The following POU2F1 variants were observed in gnomAD, a reference collection of about 807,000 sequenced individuals.
The protein encoded by POU2F1 is POU class 2 homeobox 1.
A neutral mutation model predicts 84.9 loss-of-function variants in POU2F1; 16 were observed. The observed-to-expected ratio is 0.19, with a 90% CI of 0.13 to 0.29. POU2F1 has a LOEUF of 0.29. Ranked by LOEUF, POU2F1 falls within the 10% of genes least tolerant of loss-of-function variation. POU2F1 has a pLI of 1.00. For missense variants in POU2F1, 738 were observed against 942.6 expected (o/e 0.78, Z 2.84); for synonymous variants, 368 against 368.3 (o/e 1.00, Z 0.01).
At chr1:167,345,152 T>C (rs997278428) in intron 2 of POU2F1, among the ~76,000 whole-genome samples, 3 of 152,204 alleles carry the variant, frequency 2.0e-5, no homozygotes, top group Non-Finnish European at 4.4e-5. Flanking sequence ...ATGTTCTATG[T>C]ATCCCGGAAC....
intron 2 of POU2F1, among the ~76,000 whole-genome samples, chr1:167,336,336 A>G (rs947262042): frequency 4.6e-5 from 7 of 152,226 alleles, no homozygotes; most frequent in African/African-American, 1.7e-4. Context: ...TTAAAATGCC[A>G]TGTGACCCTA....
chr1:167,368,820 C>T (rs964970444), intron 3 of POU2F1, among the ~76,000 whole-genome samples: 5 of 152,194 alleles, frequency 3.3e-5, no homozygotes, highest in Non-Finnish European at 7.4e-5. Flanking sequence ...CTTCACTGAG[C>T]TCCATACCAA....
At chr1:167,328,511 C>T (rs1441748528) in intron 1 of POU2F1, among the ~76,000 whole-genome samples, 1 of 152,100 alleles carries the variant, frequency 6.6e-6, no homozygotes. Context: ...TTTTGCAAAT[C>T]CTCTTATTAC....
chr1:167,313,547 A>G (rs1309182250), intron 1 of POU2F1, among the ~76,000 whole-genome samples: 3 of 152,204 alleles, frequency 2.0e-5, no homozygotes, highest in Non-Finnish European at 4.4e-5. Context: ...ATTTGTGACT[A>G]AGGTACAAAA....
intron 13 of POU2F1, among the ~76,000 whole-genome samples, chr1:167,402,359 T>A (rs1455639316): frequency 6.6e-6 from 1 of 152,196 alleles, no homozygotes; most frequent in Non-Finnish European, 1.5e-5. Flanking sequence ...ATGTTTTAAG[T>A]TTACAATGCC....
chr1:167,266,408 T>C (rs949036899), intron 1 of POU2F1, among the ~76,000 whole-genome samples: 3 of 152,218 alleles, frequency 2.0e-5, no homozygotes, highest in African/African-American at 7.2e-5. Context: ...TAATTGGTGG[T>C]TTAAAAGTAG....
At chr1:167,344,928 T>C (rs1431008284) in intron 2 of POU2F1, among the ~76,000 whole-genome samples, 1 of 152,198 alleles carries the variant, frequency 6.6e-6, no homozygotes, top group Non-Finnish European at 1.5e-5. Context: ...TTGATGAAGT[T>C]GGAAGCCGTC....
At chr1:167,241,943 G>A (rs981004006) in intron 1 of POU2F1, among the ~76,000 whole-genome samples, 30 of 152,166 alleles carry the variant, frequency 2.0e-4, no homozygotes, top group African/African-American at 4.8e-4. Flanking sequence ...AATCACAAAC[G>A]CAGCTATGTG....
At chr1:167,335,660 A>G (rs1657397406) in intron 2 of POU2F1, among the ~76,000 whole-genome samples, 2 of 152,328 alleles carry the variant, frequency 1.3e-5, no homozygotes, top group South Asian at 4.1e-4. Context: ...ATCTGAGAGG[A>G]AGGCAGGGAT....
chr1:167,375,916 A>T, intron 6 of POU2F1, 113 bp from the exon 7 acceptor site: 1 of 1,289,866 alleles, frequency 7.8e-7, no homozygotes. Flanking sequence ...AAGCATGCGA[A>T]GTATTTACTC....
In POU2F1 at chr1:167,337,119, G is replaced by A. The variant is rs539812161; in HGVS notation, c.127+4584G>A. ...TGGAGGTTGCAGTGAGCCGAGATTG[G>A]GCCATTGCACTCCAGCCTGGGCAAC... is the stretch of plus-strand genomic sequence containing the variant. On this transcript the variant is annotated intron_variant, in intron 2 of 15. Coordinates refer to ENST00000367866, the MANE Select transcript of POU2F1 (RefSeq NM_002697.4). Among the ~76,000 whole-genome samples, 21 of 151,476 alleles carry A rather than the reference G, an allele frequency of 1.4e-4. No individual in the cohort carries two copies. In the East Asian group the frequency reaches 3.7e-3, roughly 27 times the overall value.
At chr1:167,246,914 A>G (rs2102391315) in intron 1 of POU2F1, among the ~76,000 whole-genome samples, 1 of 152,304 alleles carries the variant, frequency 6.6e-6, no homozygotes, top group South Asian at 2.1e-4. Flanking sequence ...AATCCCATAG[A>G]CAGTAAATCG....
chr1:167,387,851 C>G (rs1352380228), intron 8 of POU2F1, among the ~76,000 whole-genome samples: 2 of 152,076 alleles, frequency 1.3e-5, no homozygotes, highest in Non-Finnish European at 2.9e-5. Flanking sequence ...AGAGACTATA[C>G]CCTCATGTCC....
At position 167,334,387 on chromosome 1, in the gene POU2F1, T is replaced by G. The variant is rs148982318; in HGVS notation, c.127+1852T>G. ...ATGTTGGCCGGCTGGTCTTGAACTCTGTGGGCATTACCTGATTTCGAGTTA... is the reference window on the plus strand; with the variant it reads ...ATGTTGGCCGGCTGGTCTTGAACTCGGTGGGCATTACCTGATTTCGAGTTA... On this transcript the variant is annotated intron_variant, in intron 2 of 15. Coordinates refer to ENST00000367866, the MANE Select transcript of POU2F1 (RefSeq NM_002697.4). Among the ~76,000 whole-genome samples, 454 of 152,048 alleles carry G rather than the reference T, an allele frequency of 3.0e-3. 4 individuals are homozygous for G. The highest frequency in any genetic ancestry group is 3.8e-3 in the Non-Finnish European group (257 of 67,946).
intron 1 of POU2F1, among the ~76,000 whole-genome samples, chr1:167,317,777 T>C (rs1325892908): frequency 6.6e-6 from 1 of 152,228 alleles, no homozygotes; most frequent in Non-Finnish European, 1.5e-5. Flanking sequence ...GTCACAGTGC[T>C]GCAGAGATTT....
At chr1:167,357,139 C>T (rs925788437) in intron 2 of POU2F1, among the ~76,000 whole-genome samples, 6 of 152,104 alleles carry the variant, frequency 3.9e-5, no homozygotes, top group Non-Finnish European at 8.8e-5. Context: ...CAGACCATCA[C>T]CCGACATTCC....
chr1:167,333,076 AAGT>A (rs1373412046), intron 2 of POU2F1, among the ~76,000 whole-genome samples: 3 of 152,324 alleles, frequency 2.0e-5, no homozygotes, highest in African/African-American at 7.2e-5. Context: ...TTATGATAGT[AAGT>A]AGTTATAGAC....
rs79301808 is a variant in POU2F1, at chr1:167,308,914, G to A, written c.62-23556G>A. 8.5e-5 allele frequency among the ~76,000 whole-genome samples: 13 copies of A among 152,222 alleles called. No homozygotes were observed. The East Asian group carries it at 2.5e-3, about 29-fold the overall frequency. On this transcript the variant is annotated intron_variant, in intron 1 of 15. Transcript: ENST00000367866. ...TACATTATTTGGAATCCTACTATAA[G>A]GGAAAGCTTTCTCTTCTCTATATTT...
In POU2F1 at chr1:167,283,426, G is replaced by T. The variant is rs375240087; in HGVS notation, c.62-49044G>T. Among the ~76,000 whole-genome samples the T allele has an allele frequency of 1.6e-4, 25 of 152,272 alleles. No individual in the cohort carries two copies. The East Asian group carries it at 4.4e-3, about 27-fold the overall frequency. The stretch of plus-strand genomic sequence containing the variant: ...TGCTGATCTCTGAGCTAGACCTCTT[G>T]ATGTTGATGTTACACATAACATGAT... On this transcript the variant is annotated intron_variant, in intron 1 of 15. Coordinates refer to ENST00000367866, the MANE Select transcript of POU2F1 (RefSeq NM_002697.4).
Sources: gnomAD v4.1 joint callset for allele counts (sites outside exome capture counted in the v4.1 genomes callset) on GRCh38, gnomAD v4.1.1 for gene constraint, MANE v1.5 for transcripts, NCBI Gene and HGNC (gene_info 2026-07-23, HGNC 2026-07-21) for gene names.